HS3ST5: variants seen among roughly 807,000 people sequenced by gnomAD.
The protein encoded by HS3ST5 is heparan sulfate glucosamine 3-O-sulfotransferase 5.
Under a neutral mutation model 25.4 loss-of-function variants are expected in HS3ST5, and 10 were observed. That is an observed-to-expected ratio of 0.39 (90% CI 0.24 to 0.67). The LOEUF (loss-of-function observed/expected upper bound fraction) is 0.67. Among genes scored for constraint, HS3ST5 ranks in the 30% least tolerant of loss-of-function variants. The pLI is 0.44. For missense variants in HS3ST5, 324 were observed against 420.7 expected, an observed-to-expected ratio of 0.77 and a Z score of 2.01; for synonymous variants, 170 against 162.4, an observed-to-expected ratio of 1.05 and a Z score of -0.36.
chr6:114,329,523 C>A (rs1776305915), intron 1 of HS3ST5, among the ~76,000 whole-genome samples: 1 of 152,128 alleles, frequency 6.6e-6, no homozygotes, highest in African/African-American at 2.4e-5. Context: ...GCCCTCACCT[C>A]CCCTAACTTC....
At chr6:114,221,048 T>G (rs1014095212) in intron 2 of HS3ST5, among the ~76,000 whole-genome samples, 1 of 152,172 alleles carries the variant, frequency 6.6e-6, no homozygotes, top group South Asian at 2.1e-4. Context: ...CTCAGTTCTA[T>G]TATTAACTGG....
chr6:114,084,442 C>A, intron 3 of HS3ST5: 1 of 756,716 alleles, frequency 1.3e-6, no homozygotes, highest in Non-Finnish European at 2.4e-6. Flanking sequence ...TTCAGGATCT[C>A]TGTAGAAGTA....
intron 3 of HS3ST5, among the ~76,000 whole-genome samples, chr6:114,077,891 A>G (rs1290219133): frequency 6.6e-6 from 1 of 152,182 alleles, no homozygotes; most frequent in Admixed American, 6.5e-5. Context: ...ATTTCATTGT[A>G]GTTTTCATTA....
At chr6:114,242,013 G>A (rs988730316) in intron 1 of HS3ST5, among the ~76,000 whole-genome samples, 2 of 152,002 alleles carry the variant, frequency 1.3e-5, no homozygotes, top group African/African-American at 4.8e-5. Context: ...CTGTCTTTAT[G>A]TCTAGACTGT....
intron 4 of HS3ST5, among the ~76,000 whole-genome samples, chr6:114,059,993 AGT>A (rs980208543): frequency 5.3e-5 from 8 of 150,150 alleles, no homozygotes; most frequent in African/African-American, 2.0e-4. Context: ...CATTGTGGAA[AGT>A]GTGAAAATAT....
chr6:114,107,805 A>T (rs1482987658), intron 3 of HS3ST5, among the ~76,000 whole-genome samples: 1 of 152,228 alleles, frequency 6.6e-6, no homozygotes, highest in Admixed American at 6.5e-5. Context: ...CAAAACCTGT[A>T]CACTGATAAT....
chr6:114,225,321 T>C (rs1057463409), intron 2 of HS3ST5, among the ~76,000 whole-genome samples: 1 of 151,906 alleles, frequency 6.6e-6, no homozygotes, highest in African/African-American at 2.4e-5. Flanking sequence ...CTTCTAGTAG[T>C]AGACTTGCTG....
rs575400548 is a variant in HS3ST5, at chr6:114,167,535, C to T, written c.-33+816G>A. ...TAACAGTTTTAACAAAAAACCTTGC[C>T]AAGATCACCCAGCTAGTAATTGGCT... On this transcript the variant is annotated intron_variant, in intron 3 of 4. Coordinates refer to ENST00000312719, the MANE Select transcript of HS3ST5 (RefSeq NM_153612.4). 8.5e-5 allele frequency: 13 copies of T among 152,224 alleles called. No individual in the cohort carries two copies. In the South Asian group the frequency reaches 2.7e-3, roughly 32 times the overall value. The allele number at this position is 152,224 out of a possible 1,614,324, so 9.4% of individuals were successfully genotyped here. A position where few individuals can be genotyped will look rare whatever the true frequency, so the allele number is the denominator to read the frequency against.
At chr6:114,064,328 A>G (rs1333882581) in intron 3 of HS3ST5, among the ~76,000 whole-genome samples, 1 of 152,264 alleles carries the variant, frequency 6.6e-6, no homozygotes, top group Non-Finnish European at 1.5e-5. Flanking sequence ...ATTTCAAAAC[A>G]GATCCCCAAA....
In HS3ST5 at chr6:114,139,005, G is replaced by A. The variant is rs143202350; in HGVS notation, c.-33+29346C>T. 1.5e-4 allele frequency among the ~76,000 whole-genome samples: 23 copies of A among 152,246 alleles called. No homozygotes were observed. The South Asian group carries it at 3.7e-3, about 25-fold the overall frequency. ...GCTTCAGAATGCCCCACCCCCTAAT[G>A]TCCTCACCTTGGAGTTAGGATTTCA... On this transcript the variant is annotated intron_variant, in intron 3 of 4. Transcript: ENST00000312719.
intron 1 of HS3ST5, among the ~76,000 whole-genome samples, chr6:114,325,785 C>T (rs1776149651): frequency 6.6e-6 from 1 of 152,062 alleles, no homozygotes; most frequent in South Asian, 2.1e-4. Flanking sequence ...TCAAGGTTTA[C>T]CCCCTCCTGG....
intron 1 of HS3ST5, among the ~76,000 whole-genome samples, chr6:114,286,332 G>A (rs1301974860): frequency 6.6e-6 from 1 of 151,940 alleles, no homozygotes; most frequent in Non-Finnish European, 1.5e-5. Flanking sequence ...ATGGGAAATT[G>A]CTAATCAATG....
intron 2 of HS3ST5, among the ~76,000 whole-genome samples, chr6:114,186,610 G>A (rs1358779175): frequency 6.6e-5 from 10 of 152,332 alleles, no homozygotes; most frequent in Admixed American, 4.6e-4. Context: ...TCAAGGTGAA[G>A]CAGCAAATGT....
chr6:114,083,210 G>C (rs1393337083), intron 3 of HS3ST5, among the ~76,000 whole-genome samples: 1 of 152,144 alleles, frequency 6.6e-6, no homozygotes, highest in East Asian at 1.9e-4. Flanking sequence ...TGAGGGAAAT[G>C]GAAAATTACA....
intron 1 of HS3ST5, among the ~76,000 whole-genome samples, chr6:114,253,674 G>A (rs1042193655): frequency 1.3e-5 from 2 of 152,182 alleles, no homozygotes; most frequent in East Asian, 1.9e-4. Flanking sequence ...AGAAGCCACC[G>A]AAAATGTTCA....
intron 1 of HS3ST5, among the ~76,000 whole-genome samples, chr6:114,291,890 T>C (rs965244512): frequency 6.6e-6 from 1 of 152,160 alleles, no homozygotes; most frequent in Non-Finnish European, 1.5e-5. Context: ...ACGGACATTA[T>C]AGAGTTACTC....
Position 114,220,478 on chromosome 6 carries a change from C to T in HS3ST5, c.-145+8107G>A, listed in dbSNP as rs574956017. On this transcript the variant is annotated intron_variant, in intron 2 of 4. Transcript: ENST00000312719. ...GTTTTCAAATGACTCTGTATCACTT[C>T]CTAAGGACTCGGAGGAACCCAGGGC... Among the ~76,000 whole-genome samples the T allele has an allele frequency of 1.6e-4, 25 of 152,048 alleles. No individual in the cohort carries two copies. The South Asian group carries it at 5.0e-3, about 30-fold the overall frequency.
intron 3 of HS3ST5, among the ~76,000 whole-genome samples, chr6:114,085,992 T>C (rs945069636): frequency 9.1e-5 from 13 of 143,006 alleles, no homozygotes; most frequent in Admixed American, 6.3e-4. Context: ...TGTTCTTTTA[T>C]GGACATTCAA....
intron 3 of HS3ST5, among the ~76,000 whole-genome samples, chr6:114,104,962 C>T (rs1356716992): frequency 6.6e-6 from 1 of 151,752 alleles, no homozygotes; most frequent in Non-Finnish European, 1.5e-5. Flanking sequence ...TTTCAAACAT[C>T]CACAGAAAAA....
Sources: gnomAD v4.1 joint callset for allele counts (sites outside exome capture counted in the v4.1 genomes callset) on GRCh38, gnomAD v4.1.1 for gene constraint, MANE v1.5 for transcripts, NCBI Gene and HGNC (gene_info 2026-07-23, HGNC 2026-07-21) for gene names.